The following SYNE2 variants were observed in gnomAD, a reference collection of about 807,000 sequenced individuals.
SYNE2 encodes the protein spectrin repeat containing nuclear envelope protein 2.
A neutral mutation model predicts 856.3 loss-of-function variants in SYNE2; 431 were observed. That is an observed-to-expected ratio of 0.50 (90% CI 0.47 to 0.55). SYNE2 has a LOEUF of 0.55. SYNE2 is among the 20% of genes least tolerant of loss of function. The pLI is 0.00. For synonymous variants in SYNE2, 2,923 were observed against 2,872.3 expected, an observed-to-expected ratio of 1.02 and a Z score of -0.56; for missense variants, 8,129 against 8,023.2, an observed-to-expected ratio of 1.01 and a Z score of -0.50.
At chr14:63,816,154 G>A (rs1213251931) in intron 1 of SYNE2, among the ~76,000 whole-genome samples, 1 of 151,854 alleles carries the variant, frequency 6.6e-6, no homozygotes, top group East Asian at 1.9e-4. Flanking sequence ...TCACCATGTT[G>A]GCCAGGATAG....
chr14:63,867,338 A>G (rs1396568452), intron 1 of SYNE2, among the ~76,000 whole-genome samples: 1 of 150,030 alleles, frequency 6.7e-6, no homozygotes, highest in African/African-American at 2.4e-5. Context: ...AAATTGGCCT[A>G]TGTTAATTTC....
intron 108 of SYNE2, among the ~76,000 whole-genome samples, chr14:64,218,072 C>T (rs759141694): frequency 6.6e-6 from 1 of 152,204 alleles, no homozygotes; most frequent in East Asian, 1.9e-4. Flanking sequence ...CTGGTAAGCT[C>T]AACAAATTGT....
chr14:64,165,087 A>G (rs1049333596), intron 89 of SYNE2, among the ~76,000 whole-genome samples, 198 bp from the exon 90 acceptor site: 40 of 151,832 alleles, frequency 2.6e-4, no homozygotes, highest in Admixed American at 8.5e-4. Flanking sequence ...GAGTCTGCCT[A>G]TGTTGCTCAG....
intron 65 of SYNE2, chr14:64,113,118 G>A (rs2097825058): frequency 1.0e-6 from 1 of 985,388 alleles, no homozygotes; most frequent in Non-Finnish European, 1.2e-6. Flanking sequence ...CTGTGCCCGG[G>A]AATACTGTAC....
intron 1 of SYNE2, among the ~76,000 whole-genome samples, chr14:63,794,121 G>GA (rs1230786116): frequency 6.6e-6 from 1 of 152,136 alleles, no homozygotes; most frequent in African/African-American, 2.4e-5. Flanking sequence ...CCAAATATAT[G>GA]AAGCAAAACT....
At chr14:63,910,527 A>G (rs2095460345) in intron 2 of SYNE2, among the ~76,000 whole-genome samples, 1 of 152,214 alleles carries the variant, frequency 6.6e-6, no homozygotes, top group African/African-American at 2.4e-5. Context: ...GAATATTCAG[A>G]TGTAGATGGA....
intron 76 of SYNE2, among the ~76,000 whole-genome samples, chr14:64,131,517 A>C (rs1307038353): frequency 6.6e-6 from 1 of 152,224 alleles, no homozygotes; most frequent in East Asian, 1.9e-4. Flanking sequence ...ACATCTGTCC[A>C]TCCAACTTGT....
chr14:63,792,538 G>A (rs960267321), intron 1 of SYNE2, among the ~76,000 whole-genome samples: 2 of 152,090 alleles, frequency 1.3e-5, no homozygotes, highest in African/African-American at 4.8e-5. Flanking sequence ...CTGGGTGACA[G>A]AGCAAAACTC....
intron 64 of SYNE2, among the ~76,000 whole-genome samples, chr14:64,105,573 T>A (rs1223854475): frequency 1.3e-5 from 2 of 152,226 alleles, no homozygotes; most frequent in Non-Finnish European, 2.9e-5. Context: ...TCCAAGATCA[T>A]ACAACTTGCA....
chr14:63,948,770 G>GTGTGTATA lies in SYNE2; in HGVS notation c.409-1054_409-1053insGTGTATAT, dbSNP rs1555393662. Among the ~76,000 whole-genome samples, 131 of 79,708 alleles carry GTGTGTATA rather than the reference G, an allele frequency of 1.6e-3. 4 individuals carry two copies. The highest frequency in any genetic ancestry group is 6.2e-3 in the African/African-American group (125 of 20,014). 52.3% of individuals were successfully genotyped at this position (79,708 alleles called of 152,430 possible). A position where few individuals can be genotyped will look rare whatever the true frequency, so the allele number is the denominator to read the frequency against. On this transcript the variant is annotated intron_variant, in intron 6 of 115. Coordinates refer to ENST00000555002, the MANE Select transcript of SYNE2 (RefSeq NM_182914.3). ...TGTGTGTATATATATGTATATATATGTATGTGTGTGTGTATATATATATAT... is the reference window on the plus strand; with the variant it reads ...TGTGTGTATATATATGTATATATATGTGTGTATATATGTGTGTGTGTATATATATATAT...
In SYNE2 at chr14:64,138,075, A is replaced by C. The variant is rs184209080; in HGVS notation, c.14843+92A>C. 1.7e-4 allele frequency: 240 copies of C among 1,427,740 alleles called. No homozygotes were observed. In the African/African-American group the frequency reaches 3.1e-3, roughly 18 times the overall value. The allele number at this position is 1,427,740 out of a possible 1,614,324, so 88.4% of individuals were successfully genotyped here. ...GTCAACTAAATTTTACCTGCAACCC[A>C]CCTTATGCTGTTTTTTCTTGGGCAG... On this transcript the variant is annotated intron_variant, in intron 79 of 115. Transcript: ENST00000555002.
At chr14:64,065,343 A>G in intron 50 of SYNE2, 89 bp from the exon 51 acceptor site, 7 of 1,149,752 alleles carry the variant, frequency 6.1e-6, no homozygotes, top group Non-Finnish European at 2.5e-6. Flanking sequence ...GATTGAAATA[A>G]TTAATTGTTC....
chr14:63,906,556 G>A (rs969348705), intron 1 of SYNE2, among the ~76,000 whole-genome samples: 54 of 152,130 alleles, frequency 3.5e-4, no homozygotes, highest in African/African-American at 1.3e-3. Context: ...TGTGTTTCCA[G>A]GAATTTATCC....
At chr14:64,008,663 A>G (rs1046615700) in intron 31 of SYNE2, among the ~76,000 whole-genome samples, 1 of 151,942 alleles carries the variant, frequency 6.6e-6, no homozygotes, top group Non-Finnish European at 1.5e-5. Flanking sequence ...TACTATCTAC[A>G]TGAGGGTGGG....
At chr14:64,149,696 A>G (rs1356466520) in intron 84 of SYNE2, among the ~76,000 whole-genome samples, 1 of 152,238 alleles carries the variant, frequency 6.6e-6, no homozygotes, top group Non-Finnish European at 1.5e-5. Context: ...AAAATATTTA[A>G]TGCTGGTTCT....
chr14:64,112,196 T>C (rs983307107), intron 65 of SYNE2, among the ~76,000 whole-genome samples: 2 of 152,220 alleles, frequency 1.3e-5, no homozygotes, highest in African/African-American at 2.4e-5. Flanking sequence ...TCCGTAAACA[T>C]TGAAGAATGT....
chr14:63,783,368 G>A (rs533350286), intron 1 of SYNE2, among the ~76,000 whole-genome samples: 3 of 151,866 alleles, frequency 2.0e-5, no homozygotes, highest in Admixed American at 1.3e-4. Flanking sequence ...ACCCAGTCTC[G>A]GGCACTTCTT....
chr14:64,217,361 C>T (rs933804213), intron 108 of SYNE2, among the ~76,000 whole-genome samples: 1 of 152,208 alleles, frequency 6.6e-6, no homozygotes, highest in African/African-American at 2.4e-5. Flanking sequence ...CCCTCAGCTG[C>T]CTTGAGTTCT....
At chr14:64,211,010 C>T (rs1303805810) in intron 103 of SYNE2, among the ~76,000 whole-genome samples, 2 of 152,116 alleles carry the variant, frequency 1.3e-5, no homozygotes, top group African/African-American at 4.8e-5. Context: ...TTGACAGGGT[C>T]TCACTCTGTT....
Sources: allele counts gnomAD v4.1 joint callset (sites outside exome capture counted in the v4.1 genomes callset), GRCh38; gene constraint gnomAD v4.1.1; transcripts MANE v1.5; gene names NCBI Gene and HGNC (gene_info 2026-07-23, HGNC 2026-07-21).